The following ARHGEF12 variants were observed in gnomAD, a reference collection of about 807,000 sequenced individuals.
ARHGEF12 encodes the protein Rho guanine nucleotide exchange factor 12, also known as KMT2A/ARHGEF12 fusion protein.
In ARHGEF12, 66 loss-of-function variants were observed where a neutral mutation model predicts 211.2. That is an observed-to-expected ratio of 0.31 (90% CI 0.26 to 0.38). The LOEUF is 0.38. ARHGEF12 is among the 10% of genes least tolerant of loss of function. The pLI, the probability that ARHGEF12 is intolerant of heterozygous loss-of-function variation, is 1.00. For synonymous variants in ARHGEF12, 592 were observed against 638.4 expected, an observed-to-expected ratio of 0.93 and a Z score of 1.09; for missense variants, 1,429 against 1,869.5, an observed-to-expected ratio of 0.76 and a Z score of 4.34.
chr11:120,429,434 T>G lies in ARHGEF12; in HGVS notation c.586-6T>G. On this transcript the variant is annotated splice_region_variant and splice_polypyrimidine_tract_variant and intron_variant, in intron 8 of 40. Transcript: ENST00000397843. The stretch of plus-strand genomic sequence containing the variant: ...GTTGTTTGTTTTTTATCTTTTTCTT[T>G]TCTAGGAGGAAAACAATGTGGTTCA... The G allele has an allele frequency of 6.2e-7, 1 of 1,607,892 alleles. No homozygotes were observed. The highest frequency in any genetic ancestry group is 8.5e-7 in the Non-Finnish European group (1 of 1,176,686).
chr11:120,409,097 G>A (rs185389688), intron 3 of ARHGEF12: 35 of 348,250 alleles, frequency 1.0e-4, no homozygotes, highest in African/African-American at 6.8e-4. Context: ...GATCATTATA[G>A]CTTTTAGTGC....
In ARHGEF12 at chr11:120,441,712, T is replaced by G. The variant is rs749570909; in HGVS notation, c.1098T>G (p.Asn366Lys). The change falls in exon 14 of 41, where the codon AAT becomes AAG. Residue 366 changes from asparagine to lysine, a missense_variant. Transcript: ENST00000397843. ...ATAATCATTTCTTCCTCTAGATCAA[T>G]GGACAGTGCAGCTGTTTCCAGAGCA... Reference protein sequence around the residue: ...DDFGTEHEQINGQCSCFQSIE... With the variant: ...DDFGTEHEQIKGQCSCFQSIE... The G allele has an allele frequency of 3.1e-6, 5 of 1,613,080 alleles. 1 individual carries two copies. In the South Asian group the frequency reaches 5.5e-5, roughly 18 times the overall value.
At chr11:120,452,175 A>G (rs1361263270) in intron 22 of ARHGEF12, among the ~76,000 whole-genome samples, 1 of 152,198 alleles carries the variant, frequency 6.6e-6, no homozygotes, top group African/African-American at 2.4e-5. Flanking sequence ...TTTCAATGTT[A>G]ATAGGAAGCC....
chr11:120,460,618 A>C, intron 26 of ARHGEF12, 54 bp from the exon 27 acceptor site: 2 of 1,478,228 alleles, frequency 1.4e-6, no homozygotes, highest in Non-Finnish European at 1.9e-6. Flanking sequence ...TACTACCAGT[A>C]ATTCTGTCTA....
chr11:120,440,695 G>A (rs1471096264), intron 13 of ARHGEF12, among the ~76,000 whole-genome samples: 1 of 151,808 alleles, frequency 6.6e-6, no homozygotes, highest in East Asian at 1.9e-4. Flanking sequence ...TTTATTTCTT[G>A]TTCTTGCCTT....
At chr11:120,481,125 T>G in intron 38 of ARHGEF12, 135 bp from the exon 39 acceptor site, 1 of 795,636 alleles carries the variant, frequency 1.3e-6, no homozygotes, top group Non-Finnish European at 2.0e-6. Context: ...CTGATGTACC[T>G]GAAACTAAAC....
intron 20 of ARHGEF12, 72 bp from the exon 21 acceptor site, chr11:120,449,037 C>T (rs576174244): frequency 1.6e-6 from 2 of 1,237,688 alleles, no homozygotes; most frequent in South Asian, 2.7e-5. Context: ...TAACCATTAG[C>T]ATTACACTAT....
At chr11:120,375,376 C>T (rs1166988148) in intron 1 of ARHGEF12, among the ~76,000 whole-genome samples, 1 of 151,926 alleles carries the variant, frequency 6.6e-6, no homozygotes, top group African/African-American at 2.4e-5. Context: ...TTTGACCTTT[C>T]CTTTTATGTT....
chr11:120,363,872 T>C (rs192314421), intron 1 of ARHGEF12, among the ~76,000 whole-genome samples: 4 of 152,324 alleles, frequency 2.6e-5, no homozygotes, highest in Admixed American at 2.6e-4. Flanking sequence ...AGAAATATCA[T>C]GCAACTTAGG....
chr11:120,422,870 G>A (rs1184803276), intron 6 of ARHGEF12, among the ~76,000 whole-genome samples: 1 of 152,110 alleles, frequency 6.6e-6, no homozygotes, highest in Non-Finnish European at 1.5e-5. Flanking sequence ...ACTAGAAATA[G>A]ATTTTGAATT....
intron 1 of ARHGEF12, among the ~76,000 whole-genome samples, chr11:120,362,444 A>T (rs1326051598): frequency 6.6e-6 from 1 of 152,224 alleles, no homozygotes; most frequent in East Asian, 1.9e-4. Flanking sequence ...GAATGCTTCT[A>T]CTTCGTCCAG....
chr11:120,383,228 G>T (rs1284746055), intron 1 of ARHGEF12, among the ~76,000 whole-genome samples: 1 of 152,058 alleles, frequency 6.6e-6, no homozygotes, highest in South Asian at 2.1e-4. Context: ...AGTTAAGAGT[G>T]TAGTGGTGTT....
chr11:120,399,341 AAAAAAAAAAAG>A (rs1944488506), intron 1 of ARHGEF12, among the ~76,000 whole-genome samples: 1 of 149,296 alleles, frequency 6.7e-6, no homozygotes, highest in Non-Finnish European at 1.5e-5. Flanking sequence ...AAAAAAAAAA[AAAAAAAAAAAG>A]AAAAGAAAGA....
Position 120,437,308 on chromosome 11 carries a change from A to C in ARHGEF12, c.925A>C (p.Ser309Arg), listed in dbSNP as rs937273432. 1.9e-6 allele frequency: 3 copies of C among 1,606,508 alleles called. No homozygotes were observed. The highest frequency in any genetic ancestry group is 2.5e-6 in the Non-Finnish European group (3 of 1,176,854). ...CTGAAGATCTTGTTTTTTTCATTAG[A>C]GTCCCAAGAGTGGCCCAAAAGAGAG... ...ASRPSSDNADSPKSGPKERIY... is the reference protein window; with the variant it reads ...ASRPSSDNADRPKSGPKERIY... The change falls in exon 12 of 41, where the codon AGT becomes CGT. Residue 309 changes from serine to arginine, a missense_variant and splice_region_variant. Physicochemically the swap from Ser to Arg is moderately radical, Grantham distance 110. Around this residue, in one of 7 missense-constraint regions of ARHGEF12, gnomAD observed 254 missense variants for 286.4 expected, o/e 0.89. Coordinates refer to ENST00000397843, the MANE Select transcript of ARHGEF12 (RefSeq NM_015313.3).
chr11:120,414,163 G>T (rs986035697), intron 4 of ARHGEF12, among the ~76,000 whole-genome samples: 3 of 152,112 alleles, frequency 2.0e-5, no homozygotes, highest in Non-Finnish European at 2.9e-5. Context: ...ATGTAAATTT[G>T]ATATAACATC....
chr11:120,358,643 T>C (rs1221969401), intron 1 of ARHGEF12, among the ~76,000 whole-genome samples: 1 of 152,196 alleles, frequency 6.6e-6, no homozygotes, highest in Admixed American at 6.5e-5. Context: ...TTAAATAAAA[T>C]TGAAAATTCA....
chr11:120,428,671 C>T (rs985647634), intron 8 of ARHGEF12, among the ~76,000 whole-genome samples: 10 of 151,826 alleles, frequency 6.6e-5, no homozygotes, highest in African/African-American at 2.4e-4. Context: ...AACTATAATA[C>T]AAGGCAGAAT....
At chr11:120,388,144 ATAGAG>A (rs1246323837) in intron 1 of ARHGEF12, among the ~76,000 whole-genome samples, 4 of 152,050 alleles carry the variant, frequency 2.6e-5, no homozygotes, top group Non-Finnish European at 4.4e-5. Context: ...TTTGGTCCTT[ATAGAG>A]TAGTTTGAAT....
intron 32 of ARHGEF12, 150 bp downstream of exon 32, chr11:120,474,785 G>T (rs1254128253): frequency 3.4e-6 from 2 of 586,934 alleles, no homozygotes; most frequent in East Asian, 5.8e-5. Flanking sequence ...AGATCTGCTT[G>T]TGTTATTTCA....
Sources: allele counts gnomAD v4.1 joint callset (sites outside exome capture counted in the v4.1 genomes callset), GRCh38; gene constraint gnomAD v4.1.1; regional missense constraint gnomAD v4.1.1; transcripts MANE v1.5; gene names NCBI Gene and HGNC (gene_info 2026-07-23, HGNC 2026-07-21).